Variants in TRPM6 observed in about 807,000 individuals in gnomAD.
The protein encoded by TRPM6 is transient receptor potential cation channel subfamily M member 6.
In TRPM6, 111 loss-of-function variants were observed where a neutral mutation model predicts 247.6. The ratio of observed to expected loss-of-function variants is 0.45; its 90% confidence interval spans 0.38 to 0.52. The LOEUF (loss-of-function observed/expected upper bound fraction) is 0.52. Ranked by LOEUF, TRPM6 falls within the 20% of genes least tolerant of loss-of-function variation. The pLI is 0.00. For missense variants in TRPM6, 2,126 were observed against 2,421.5 expected, an observed-to-expected ratio of 0.88 and a Z score of 2.56; for synonymous variants, 892 against 853.8, an observed-to-expected ratio of 1.04 and a Z score of -0.78.
intron 19 of TRPM6, among the ~76,000 whole-genome samples, chr9:74,790,147 T>C (rs1451176746): frequency 2.0e-5 from 3 of 151,984 alleles, no homozygotes; most frequent in East Asian, 1.9e-4. Context: ...ACAGATAACA[T>C]AGAGAATAGC....
chr9:74,816,801 C>G (rs751942614), intron 10 of TRPM6, 32 bp from the exon 11 acceptor site: 25 of 1,612,208 alleles, frequency 1.6e-5, no homozygotes, highest in African/African-American at 2.7e-5. Context: ...ATCATATATT[C>G]TTTTCAAGAT....
At chr9:74,880,868 G>T (rs959935245) in intron 1 of TRPM6, among the ~76,000 whole-genome samples, 1 of 152,008 alleles carries the variant, frequency 6.6e-6, no homozygotes, top group East Asian at 1.9e-4. Context: ...AAGAACCAAG[G>T]ATATACAAAA....
chr9:74,819,078 C>G (rs1458180110), intron 9 of TRPM6, among the ~76,000 whole-genome samples: 3 of 152,138 alleles, frequency 2.0e-5, no homozygotes, highest in Non-Finnish European at 1.5e-5. Flanking sequence ...GAGGCCGAGA[C>G]AGGCAGATCG....
chr9:74,792,851 T>C (rs1827957868), intron 18 of TRPM6, 81 bp from the exon 19 acceptor site: 4 of 1,328,036 alleles, frequency 3.0e-6, no homozygotes, highest in Admixed American at 1.9e-5. Flanking sequence ...AAAAATATCA[T>C]AAATAATATA....
At chr9:74,827,716 A>T (rs2118056848) in intron 7 of TRPM6, 62 bp downstream of exon 7, 1 of 1,546,730 alleles carries the variant, frequency 6.5e-7, no homozygotes, top group Non-Finnish European at 8.9e-7. Flanking sequence ...GTCAGGGAAG[A>T]CCATGAAAGA....
rs1242699801 is a variant in TRPM6, at chr9:74,801,985, G to T, written c.1922C>A (p.Ala641Glu). The change falls in exon 16 of 39, where the codon GCG (alanine) becomes GAG (glutamate). Residue 641 changes from alanine (A) to glutamate (E), a missense_variant. This residue lies in a region of TRPM6 where 1,082 missense variants were observed against 1,307.9 expected (regional missense o/e 0.83). Transcript: ENST00000360774. ...GGCCATTGCCCGGTAGAGGATACAC[G>T]CAATCACGGCTTTAACCGTGGCCTC... ...GEEATVKAVI[A>E]CILYRAMAHE... 2 of 1,614,064 alleles carry T rather than the reference G, an allele frequency of 1.2e-6. No homozygotes were observed. Among genetic ancestry groups the T allele is most frequent in the African/African-American group, 2.7e-5 (2 of 74,934 alleles).
At chr9:74,749,752 C>T (rs1826174976) in intron 30 of TRPM6, among the ~76,000 whole-genome samples, 2 of 152,298 alleles carry the variant, frequency 1.3e-5, no homozygotes, top group African/African-American at 4.8e-5. Flanking sequence ...CTGCAATAAA[C>T]CCCTACTCTG....
At chr9:74,743,119 C>G (rs1410972484) in intron 32 of TRPM6, among the ~76,000 whole-genome samples, 1 of 152,168 alleles carries the variant, frequency 6.6e-6, no homozygotes, top group African/African-American at 2.4e-5. Context: ...CCTAACAGAT[C>G]AGAGTCAATA....
chr9:74,791,857 C>T (rs770022500), intron 19 of TRPM6, among the ~76,000 whole-genome samples: 16 of 152,136 alleles, frequency 1.1e-4, no homozygotes, highest in African/African-American at 1.7e-4. Context: ...CTGGGGTTCT[C>T]GCCATTCTCC....
At chr9:74,802,905 C>T (rs565556215) in intron 15 of TRPM6, among the ~76,000 whole-genome samples, 2 of 152,268 alleles carry the variant, frequency 1.3e-5, no homozygotes, top group South Asian at 2.1e-4. Flanking sequence ...CATCATACTG[C>T]ACTACGGTTA....
At chr9:74,737,649 A>G (rs1197615165) in intron 36 of TRPM6, among the ~76,000 whole-genome samples, 1 of 152,106 alleles carries the variant, frequency 6.6e-6, no homozygotes, top group East Asian at 1.9e-4. Context: ...AAGTTATTAA[A>G]CTTTCTGGGC....
intron 1 of TRPM6, among the ~76,000 whole-genome samples, chr9:74,881,150 G>GA (rs1228052499): frequency 2.0e-5 from 3 of 151,166 alleles, no homozygotes; most frequent in South Asian, 4.2e-4. Context: ...TTTTTTAATT[G>GA]AAAAAAAAGA....
intron 5 of TRPM6, among the ~76,000 whole-genome samples, chr9:74,836,760 A>ACATGG (rs1185631938): frequency 6.6e-6 from 1 of 152,182 alleles, no homozygotes; most frequent in Non-Finnish European, 1.5e-5. Flanking sequence ...GTCCCCTGCC[A>ACATGG]CATGGCACAC....
At chr9:74,725,662 CTCTT>C (rs1159128678) in intron 38 of TRPM6, among the ~76,000 whole-genome samples, 4 of 152,210 alleles carry the variant, frequency 2.6e-5, no homozygotes, top group African/African-American at 9.7e-5. Context: ...CACAAGCTCT[CTCTT>C]TGCCTGCTGC....
chr9:74,787,473 T>C (rs1277552478), intron 20 of TRPM6, among the ~76,000 whole-genome samples: 1 of 146,780 alleles, frequency 6.8e-6, no homozygotes, highest in Non-Finnish European at 1.5e-5. Flanking sequence ...AAAAAAAGGG[T>C]ACAATTCAGA....
chr9:74,755,312 C>T, intron 28 of TRPM6, 41 bp downstream of exon 28: 3 of 1,610,998 alleles, frequency 1.9e-6, no homozygotes, highest in Non-Finnish European at 1.7e-6. Flanking sequence ...GAGAAAACCC[C>T]ACCAGGGTTT....
intron 16 of TRPM6, among the ~76,000 whole-genome samples, chr9:74,801,422 T>C (rs1402104006): frequency 6.6e-6 from 1 of 152,114 alleles, no homozygotes; most frequent in Non-Finnish European, 1.5e-5. Flanking sequence ...TCTTCATTAC[T>C]ATAACACTTT....
chr9:74,740,589 C>T (rs1818211374), intron 33 of TRPM6, among the ~76,000 whole-genome samples: 1 of 152,178 alleles, frequency 6.6e-6, no homozygotes, highest in Non-Finnish European at 1.5e-5. Context: ...ACACCTTATA[C>T]ATATAGCCTC....
intron 23 of TRPM6, among the ~76,000 whole-genome samples, chr9:74,776,529 G>C (rs1190517649): frequency 1.3e-5 from 2 of 152,172 alleles, no homozygotes; most frequent in Non-Finnish European, 2.9e-5. Context: ...AAACAGTACA[G>C]TGTTAGTGAA....
Sources: allele counts gnomAD v4.1 joint callset (sites outside exome capture counted in the v4.1 genomes callset), GRCh38; gene constraint gnomAD v4.1.1; regional missense constraint gnomAD v4.1.1; transcripts MANE v1.5; gene names NCBI Gene and HGNC (gene_info 2026-07-23, HGNC 2026-07-21).